The following USP48 variants were observed in gnomAD, a reference collection of about 807,000 sequenced individuals.
The protein encoded by USP48 is ubiquitin specific peptidase 48, also known as ubiquitin carboxyl-terminal hydrolase 48.
Under a neutral mutation model 150.7 loss-of-function variants are expected in USP48, and 43 were observed. The observed-to-expected ratio is 0.29, with a 90% confidence interval of 0.22 to 0.37. The LOEUF (loss-of-function observed/expected upper bound fraction) is 0.37. Among genes scored for constraint, USP48 ranks in the 10% least tolerant of loss-of-function variants. USP48 has a pLI of 1.00. For missense variants in USP48, 813 were observed against 1,249.6 expected, an observed-to-expected ratio of 0.65 and a Z score of 5.27; for synonymous variants, 396 against 425.9, an observed-to-expected ratio of 0.93 and a Z score of 0.86.
chr1:21,758,699 G>A (rs1010114541), intron 1 of USP48, among the ~76,000 whole-genome samples: 16 of 151,550 alleles, frequency 1.1e-4, no homozygotes, highest in Admixed American at 3.9e-4. Context: ...GCAGGGAGCC[G>A]AGATTACACC....
At chr1:21,730,752 G>A (rs1297485970) in intron 9 of USP48, among the ~76,000 whole-genome samples, 1 of 151,316 alleles carries the variant, frequency 6.6e-6, no homozygotes, top group East Asian at 1.9e-4. Flanking sequence ...CAACTCTACT[G>A]GAAATATTTT....
At chr1:21,716,952 CG>C (rs2097706174) in intron 14 of USP48, among the ~76,000 whole-genome samples, 1 of 151,934 alleles carries the variant, frequency 6.6e-6, no homozygotes, top group Non-Finnish European at 1.5e-5. Context: ...GGCGGGAACC[CG>C]GGAGGCAGAG....
In USP48 at chr1:21,782,818, C is replaced by A; in HGVS notation, c.134+6G>T. ...GAGCCCGCGAGGCGCGGTGCGCGGG[C>A]CTCACCTGCACACGCCGCGAATGCA... On this transcript the variant is annotated splice_donor_region_variant and intron_variant, in intron 1 of 26. Coordinates refer to ENST00000308271, the MANE Select transcript of USP48 (RefSeq NM_032236.8). 6.5e-7 allele frequency: 1 copy of A among 1,544,786 alleles called. No homozygotes were observed. The highest frequency in any genetic ancestry group is 8.7e-7 in the Non-Finnish European group (1 of 1,146,692).
Position 21,721,725 on chromosome 1 carries a change from C to G in USP48, c.1688G>C (p.Arg563Pro). 1 of 1,607,616 alleles carries G rather than the reference C, an allele frequency of 6.2e-7. No individual in the cohort carries two copies. Among genetic ancestry groups the G allele is most frequent in the Non-Finnish European group, 8.5e-7 (1 of 1,176,166 alleles). ...TAGTTGGTTCTTCAGACGCAATATG[C>G]GACAACGTTCTACTACACATTCCTT... Reference protein sequence around the residue: ...LCKECVVERCRILRLKNQLNE... With the variant: ...LCKECVVERCPILRLKNQLNE... Residue 563 changes from arginine (R) to proline (P), a missense_variant, in exon 13 of 27, where the codon CGC (arginine) becomes CCC (proline). Physicochemically the swap from Arg to Pro is moderately radical, Grantham distance 103. Transcript: ENST00000308271.
intron 15 of USP48, among the ~76,000 whole-genome samples, chr1:21,710,388 A>G (rs1193878846): frequency 6.6e-6 from 1 of 152,196 alleles, no homozygotes; most frequent in Non-Finnish European, 1.5e-5. Context: ...GGGCCTCAGG[A>G]CATCTCAAGA....
intron 20 of USP48, among the ~76,000 whole-genome samples, chr1:21,704,060 T>C (rs1261432028): frequency 6.6e-6 from 1 of 152,168 alleles, no homozygotes; most frequent in Non-Finnish European, 1.5e-5. Flanking sequence ...CACTATATTC[T>C]ATTACATGCA....
At chr1:21,734,300 G>C (rs755403621) in intron 9 of USP48, among the ~76,000 whole-genome samples, 2 of 152,132 alleles carry the variant, frequency 1.3e-5, no homozygotes, top group Non-Finnish European at 2.9e-5. Context: ...TTGGGAAGCT[G>C]AGGCAGGAGG....
chr1:21,724,365 G>C, intron 11 of USP48: 2 of 589,130 alleles, frequency 3.4e-6, no homozygotes, highest in East Asian at 5.6e-5. Flanking sequence ...TCTACAAGAG[G>C]CATCCACATA....
chr1:21,766,951 C>T (rs2097863615), intron 1 of USP48, among the ~76,000 whole-genome samples: 1 of 152,068 alleles, frequency 6.6e-6, no homozygotes, highest in Non-Finnish European at 1.5e-5. Flanking sequence ...ATAAACCCAG[C>T]TACTTGGGAG....
chr1:21,759,181 CAAAAAAAAAAAAAAA>C (rs11341963), intron 1 of USP48, among the ~76,000 whole-genome samples: 1 of 69,252 alleles, frequency 1.4e-5, no homozygotes, highest in Admixed American at 2.0e-4. Flanking sequence ...GACACGGTCT[CAAAAAAAAAAAAAAA>C]AAAAAAAAAG....
At chr1:21,687,301 T>TGAA (rs2097582705) in intron 24 of USP48, 62 bp from the exon 25 acceptor site, 1 of 1,479,840 alleles carries the variant, frequency 6.8e-7, no homozygotes, top group African/African-American at 1.4e-5. Flanking sequence ...ATTTGAAGTA[T>TGAA]GGCCCATGAT....
intron 8 of USP48, among the ~76,000 whole-genome samples, chr1:21,744,613 T>A (rs1427501068): frequency 2.7e-5 from 4 of 150,236 alleles, no homozygotes; most frequent in Admixed American, 2.0e-4. Flanking sequence ...CCGTCTCTAC[T>A]AAAAATACAA....
At chr1:21,753,184 A>G in intron 3 of USP48, 65 bp from the exon 4 acceptor site, 1 of 1,505,834 alleles carries the variant, frequency 6.6e-7, no homozygotes, top group East Asian at 2.3e-5. Context: ...AAAAAATGGT[A>G]CTTCCTCTTC....
intron 3 of USP48, among the ~76,000 whole-genome samples, chr1:21,755,203 A>G (rs968876030): frequency 1.3e-5 from 2 of 152,174 alleles, no homozygotes; most frequent in Non-Finnish European, 2.9e-5. Context: ...GCAAGTCAAT[A>G]TATCATCTTC....
At chr1:21,732,224 G>A (rs1571895967) in intron 9 of USP48, among the ~76,000 whole-genome samples, 1 of 151,812 alleles carries the variant, frequency 6.6e-6, no homozygotes, top group African/African-American at 2.4e-5. Flanking sequence ...GATTGTGGTG[G>A]GCCAAGATAG....
In USP48 at chr1:21,757,791, G is replaced by GAA; in HGVS notation, c.135-10_135-9dup. The GAA allele has an allele frequency of 1.2e-5, 17 of 1,461,234 alleles. No individual in the cohort carries two copies. Among genetic ancestry groups the GAA allele is most frequent in the South Asian group, 5.4e-5 (4 of 73,570 alleles). 90.5% of individuals were successfully genotyped at this position (1,461,234 alleles called of 1,614,324 possible). The stretch of plus-strand genomic sequence containing the variant: ...TTTCCTTTGCAGTTTCGTCTAAGGG[G>GAA]AAAAAAAAAACCTTTAATTTTTAAA... On this transcript the variant is annotated splice_polypyrimidine_tract_variant and intron_variant, in intron 1 of 26. Transcript: ENST00000308271.
rs1478397650 is a variant in USP48, at chr1:21,685,153, ATTC to A, written c.3058+2035_3058+2037del. Among the ~76,000 whole-genome samples the A allele has an allele frequency of 2.6e-5, 4 of 152,270 alleles. No homozygotes were observed. The East Asian group carries it at 7.7e-4, about 29-fold the overall frequency. ...TAATATGGTCATTTTAACAATATTA[ATTC>A]TTCTGATCCATGAGCACAGGATATC... On this transcript the variant is annotated intron_variant, in intron 25 of 26. Transcript: ENST00000308271.
chr1:21,758,898 G>C (rs1182653351), intron 1 of USP48, among the ~76,000 whole-genome samples: 1 of 152,142 alleles, frequency 6.6e-6, no homozygotes, highest in African/African-American at 2.4e-5. Context: ...CTGGCTAGGC[G>C]TGGTGGTTCA....
chr1:21,731,651 C>A (rs1394644401), intron 9 of USP48, among the ~76,000 whole-genome samples: 2 of 151,686 alleles, frequency 1.3e-5, no homozygotes, highest in Non-Finnish European at 1.5e-5. Flanking sequence ...GAGGCCGAGG[C>A]AGGTAGATCA....
Sources: allele counts gnomAD v4.1 joint callset (sites outside exome capture counted in the v4.1 genomes callset), GRCh38; gene constraint gnomAD v4.1.1; transcripts MANE v1.5; gene names NCBI Gene and HGNC (gene_info 2026-07-23, HGNC 2026-07-21).